AGAP1: variants seen among roughly 807,000 people sequenced by gnomAD.
The protein encoded by AGAP1 is arf-GAP with GTPase, ANK repeat and PH domain-containing protein 1.
Under a neutral mutation model 105.3 loss-of-function variants are expected in AGAP1, and 29 were observed. The observed-to-expected ratio is 0.28, with a 90% CI of 0.21 to 0.38. The LOEUF (loss-of-function observed/expected upper bound fraction) is 0.38. AGAP1 is among the 10% of genes least tolerant of loss of function. The pLI, the probability that AGAP1 is intolerant of heterozygous loss-of-function variation, is 1.00. For missense variants in AGAP1, 998 were observed against 1,165.1 expected (o/e 0.86, Z 2.09); for synonymous variants, 509 against 485.9 (o/e 1.05, Z -0.63).
At chr2:235,735,814 A>T (rs1325036758) in intron 3 of AGAP1, among the ~76,000 whole-genome samples, 1 of 152,194 alleles carries the variant, frequency 6.6e-6, no homozygotes, top group Non-Finnish European at 1.5e-5. Context: ...AACCCTGAAC[A>T]CTTGCCTTGG....
intron 9 of AGAP1, among the ~76,000 whole-genome samples, chr2:235,832,619 C>A: frequency 6.6e-6 from 1 of 152,232 alleles, no homozygotes; most frequent in East Asian, 1.9e-4. Flanking sequence ...ATCCAGGAAT[C>A]TGTGAAGTTC....
At chr2:235,704,962 CTTTTTTCTTTTTTTTTTTTTT>C (rs1312358134) in intron 1 of AGAP1, among the ~76,000 whole-genome samples, 1 of 86,010 alleles carries the variant, frequency 1.2e-5, no homozygotes, top group African/African-American at 4.2e-5. Context: ...ATACAAGATG[CTTTTTTCTTTTTTTTTTTTTT>C]TTTTTTTTTT....
Position 235,633,422 on chromosome 2 carries a change from C to T in AGAP1, c.164-75757C>T, listed in dbSNP as rs1372842547. On this transcript the variant is annotated intron_variant, in intron 1 of 17. Coordinates refer to ENST00000304032, the MANE Select transcript of AGAP1 (RefSeq NM_001037131.3). The surrounding 1 kb of genome is among the most constrained non-coding windows in gnomAD (Gnocchi z 4.8). ...CAGTCTGGTCAACATGGTGAAACCC[C>T]ATCTCTACTAAAAATACAAAAATTA... is the stretch of plus-strand genomic sequence containing the variant. 6.6e-6 allele frequency among the ~76,000 whole-genome samples: 1 copy of T among 152,052 alleles called. No individual in the cohort carries two copies. The highest frequency in any genetic ancestry group is 1.5e-5 in the Non-Finnish European group (1 of 68,002).
At position 235,662,202 on chromosome 2, in the gene AGAP1, G is replaced by C. The variant is rs1453794655; in HGVS notation, c.164-46977G>C. ...GACCAGGAAAAAAGGGACCCAGGGT[G>C]GTGGCACATGAATCCCAGCTTTGTG... is the stretch of plus-strand genomic sequence containing the variant. On this transcript the variant is annotated intron_variant, in intron 1 of 17. Transcript: ENST00000304032. The surrounding 1 kb of genome is among the most constrained non-coding windows in gnomAD (Gnocchi z 4.2). Among the ~76,000 whole-genome samples the C allele has an allele frequency of 6.6e-6, 1 of 152,190 alleles. No individual in the cohort carries two copies. The highest frequency in any genetic ancestry group is 1.9e-4 in the East Asian group (1 of 5,184).
Position 235,744,950 on chromosome 2 carries a change from GCT to G in AGAP1, c.538+113_538+114del. ...AAGAAGGAAAAATTGCCTACTGAAC[GCT>G]CACTTTTTTGGGAAAAATTATGGAA... On this transcript the variant is annotated intron_variant, in intron 5 of 17. Transcript: ENST00000304032. The surrounding 1 kb of genome is among the most constrained non-coding windows in gnomAD (Gnocchi z 5.2). 7.6e-7 allele frequency: 1 copy of G among 1,324,044 alleles called. No individual in the cohort carries two copies. The allele number at this position is 1,324,044 out of a possible 1,614,324, so 82.0% of individuals were successfully genotyped here. A position where few individuals can be genotyped will look rare whatever the true frequency, so the allele number is the denominator to read the frequency against.
Position 235,611,970 on chromosome 2 carries a change from C to T in AGAP1, c.164-97209C>T, listed in dbSNP as rs548468141. On this transcript the variant is annotated intron_variant, in intron 1 of 17. Transcript: ENST00000304032. The surrounding 1 kb of genome is among the most constrained non-coding windows in gnomAD (Gnocchi z 5.0). ...ACATCCTAGGTGGCGGTCACAAACC[C>T]GGCCCAGCGGCCTCCCTGCTAGGCA... Among the ~76,000 whole-genome samples the T allele has an allele frequency of 2.8e-4, 42 of 152,266 alleles. No homozygotes were observed. The highest frequency in any genetic ancestry group is 1.9e-3 in the South Asian group (9 of 4,822).
intron 13 of AGAP1, among the ~76,000 whole-genome samples, chr2:236,006,751 C>T (rs2056336123): frequency 6.6e-6 from 1 of 151,994 alleles, no homozygotes; most frequent in Non-Finnish European, 1.5e-5. Context: ...TGTGTGTGTA[C>T]GGATATGAAC....
chr2:235,517,177 T>C lies in AGAP1; in HGVS notation c.163+22328T>C, dbSNP rs1942424122. On this transcript the variant is annotated intron_variant, in intron 1 of 17. Coordinates refer to ENST00000304032, the MANE Select transcript of AGAP1 (RefSeq NM_001037131.3). The surrounding 1 kb of genome is among the most constrained non-coding windows in gnomAD (Gnocchi z 4.1). Reference sequence around the variant, plus strand: ...CCTGGTCTTTTCCGTGTGTGTGGTCTTCAGTGTTTTTCCGTTCTCAGGAGG... The same window carrying C: ...CCTGGTCTTTTCCGTGTGTGTGGTCCTCAGTGTTTTTCCGTTCTCAGGAGG... 6.6e-6 allele frequency among the ~76,000 whole-genome samples: 1 copy of C among 152,184 alleles called. No homozygotes were observed. The highest frequency in any genetic ancestry group is 2.4e-5 in the African/African-American group (1 of 41,448).
chr2:236,021,569 C>A (rs545586425), intron 13 of AGAP1, among the ~76,000 whole-genome samples: 2 of 152,246 alleles, frequency 1.3e-5, no homozygotes, highest in South Asian at 4.2e-4. Flanking sequence ...GATAAATCAC[C>A]GCACGTGCCT....
At position 235,931,234 on chromosome 2, in the gene AGAP1, G is replaced by A. The variant is rs897795873; in HGVS notation, c.1483+311G>A. ...TACCCAGGGTCACGTGACAGAAGTG[G>A]CAGCGCTGAGAAATAAGATCTGATT... is the stretch of plus-strand genomic sequence containing the variant. On this transcript the variant is annotated intron_variant, in intron 12 of 17. Transcript: ENST00000304032. The surrounding 1 kb of genome is among the most constrained non-coding windows in gnomAD (Gnocchi z 5.6). Among the ~76,000 whole-genome samples the A allele has an allele frequency of 6.6e-6, 1 of 152,144 alleles. No individual in the cohort carries two copies. Among genetic ancestry groups the A allele is most frequent in the Non-Finnish European group, 1.5e-5 (1 of 68,024 alleles).
intron 9 of AGAP1, among the ~76,000 whole-genome samples, chr2:235,876,229 C>T (rs1387427167): frequency 6.6e-6 from 1 of 152,138 alleles, no homozygotes; most frequent in East Asian, 1.9e-4. Flanking sequence ...AATTTATGTA[C>T]TTTTAGAAAT....
At chr2:235,618,042 T>G (rs1330667601) in intron 1 of AGAP1, among the ~76,000 whole-genome samples, 2 of 152,086 alleles carry the variant, frequency 1.3e-5, no homozygotes, top group African/African-American at 4.8e-5. Context: ...CTTGTGTAAC[T>G]GTGAGAAGCT....
At chr2:236,088,704 A>G (rs978035808) in intron 16 of AGAP1, among the ~76,000 whole-genome samples, 3 of 152,246 alleles carry the variant, frequency 2.0e-5, no homozygotes, top group African/African-American at 7.2e-5. Context: ...AGCGGTCTAC[A>G]TAGTAAAACC....
chr2:235,746,377 CTT>C (rs1172393048), intron 5 of AGAP1, among the ~76,000 whole-genome samples: 619 of 55,456 alleles, frequency 0.011, 10 homozygotes, highest in East Asian at 0.091. Flanking sequence ...CCTCCCCCAA[CTT>C]TTTTTTTTTT....
At chr2:235,772,777 G>A (rs1217144124) in intron 6 of AGAP1, among the ~76,000 whole-genome samples, 1 of 152,220 alleles carries the variant, frequency 6.6e-6, no homozygotes, top group Non-Finnish European at 1.5e-5. Flanking sequence ...AACCAGCCGC[G>A]AGTAGACAGG....
chr2:235,709,137 C>T (rs374517665), intron 1 of AGAP1, 42 bp from the exon 2 acceptor site: 104 of 1,606,462 alleles, frequency 6.5e-5, no homozygotes, highest in South Asian at 3.5e-4. Context: ...TTGGCCTTTA[C>T]GTGAGTTATG....
At chr2:235,870,208 C>T (rs987942691) in intron 9 of AGAP1, among the ~76,000 whole-genome samples, 3 of 152,108 alleles carry the variant, frequency 2.0e-5, no homozygotes, top group South Asian at 2.1e-4. Context: ...ATGGCCTTGT[C>T]GTCTACACCA....
intron 1 of AGAP1, among the ~76,000 whole-genome samples, chr2:235,641,525 A>G (rs1391647878): frequency 6.6e-6 from 1 of 151,826 alleles, no homozygotes; most frequent in African/African-American, 2.4e-5. Context: ...AAAGTTGGAG[A>G]GGCTGAGTGG....
chr2:235,976,601 G>T lies in AGAP1; in HGVS notation c.1645+7978G>T, dbSNP rs372934012. 1.1e-3 allele frequency among the ~76,000 whole-genome samples: 168 copies of T among 152,232 alleles called. 1 individual carries two copies. In the South Asian group the frequency reaches 0.034, roughly 31 times the overall value. Reference sequence around the variant, plus strand: ...AGGGGTTAGATTCAGGTCCAAAAATGTTCATTGAGCACCTACTGCACGCAA... The same window carrying T: ...AGGGGTTAGATTCAGGTCCAAAAATTTTCATTGAGCACCTACTGCACGCAA... On this transcript the variant is annotated intron_variant, in intron 13 of 17. Coordinates refer to ENST00000304032, the MANE Select transcript of AGAP1 (RefSeq NM_001037131.3). This position sits in a 1 kb window ranked among gnomAD's most constrained non-coding sequence, Gnocchi z 4.5.
Sources: gnomAD v4.1 joint callset for allele counts (sites outside exome capture counted in the v4.1 genomes callset) on GRCh38, gnomAD v4.1.1 for gene constraint, Gnocchi (gnomAD v3.1) non-coding constraint, MANE v1.5 for transcripts, NCBI Gene and HGNC (gene_info 2026-07-23, HGNC 2026-07-21) for gene names.